Variants in SRPK2 observed in about 807,000 individuals in gnomAD.
SRPK2 encodes SFRS protein kinase 2.
In SRPK2, 21 loss-of-function variants were observed where a neutral mutation model predicts 90.8. That is an observed-to-expected ratio of 0.23 (90% CI 0.16 to 0.33). The LOEUF (loss-of-function observed/expected upper bound fraction) is 0.33. SRPK2 is among the 10% of genes least tolerant of loss of function. The pLI is 1.00. For missense variants in SRPK2, 620 were observed against 869.0 expected (o/e 0.71, Z 3.60); for synonymous variants, 288 against 311.1 (o/e 0.93, Z 0.78).
intron 2 of SRPK2, among the ~76,000 whole-genome samples, chr7:105,251,848 T>C (rs1005885443): frequency 6.6e-6 from 1 of 152,214 alleles, no homozygotes; most frequent in South Asian, 2.1e-4. Flanking sequence ...CTAGCTAGAC[T>C]GAATGGCAAC....
chr7:105,287,218 A>G (rs62484674), intron 2 of SRPK2, among the ~76,000 whole-genome samples: 24 of 132,564 alleles, frequency 1.8e-4, no homozygotes, highest in Admixed American at 1.4e-3. Context: ...CCGAGATCCC[A>G]CCACTGCACT....
At chr7:105,320,994 C>G (rs992930716) in intron 2 of SRPK2, among the ~76,000 whole-genome samples, 1 of 127,416 alleles carries the variant, frequency 7.8e-6, no homozygotes, top group Non-Finnish European at 1.9e-5. Flanking sequence ...CCACACTCAG[C>G]TAGTTTTTAA....
intron 2 of SRPK2, among the ~76,000 whole-genome samples, chr7:105,229,497 T>C (rs1463437381): frequency 6.6e-6 from 1 of 152,076 alleles, no homozygotes; most frequent in Non-Finnish European, 1.5e-5. Context: ...TGTGCTAACA[T>C]AAAAAATCCA....
chr7:105,168,744 A>AGTGTGTGTGTGTGTGTGTGTGTGTGTGT (rs1165915539), intron 4 of SRPK2, among the ~76,000 whole-genome samples: 1 of 25,452 alleles, frequency 3.9e-5, no homozygotes, highest in Non-Finnish European at 1.4e-4. Context: ...ACACGCACCA[A>AGTGTGTGTGTGTGTGTGTGTGTGTGTGT]ATGTGTGTGT....
chr7:105,393,652 T>TA, upstream of SRPK2, among the ~76,000 whole-genome samples: 3 of 152,096 alleles, frequency 2.0e-5, no homozygotes, highest in East Asian at 5.8e-4. Context: ...TTATTATTTT[T>TA]AAAAAGGCTT....
chr7:105,129,908 T>C (rs868602625), intron 13 of SRPK2, among the ~76,000 whole-genome samples: 1 of 152,154 alleles, frequency 6.6e-6, no homozygotes, highest in Non-Finnish European at 1.5e-5. Context: ...GTGAAGTTTG[T>C]TGGAATGGCT....
chr7:105,303,596 T>TA (rs1810824711), intron 2 of SRPK2, among the ~76,000 whole-genome samples: 1 of 151,960 alleles, frequency 6.6e-6, no homozygotes, highest in Non-Finnish European at 1.5e-5. Flanking sequence ...TTCATATTAC[T>TA]AAAAGAAAAT....
intron 2 of SRPK2, among the ~76,000 whole-genome samples, chr7:105,343,371 C>T (rs1249959404): frequency 6.6e-6 from 1 of 152,048 alleles, no homozygotes; most frequent in Non-Finnish European, 1.5e-5. Flanking sequence ...GAGGTTGAGG[C>T]TACAGTAAGC....
At chr7:105,135,294 C>A (rs1802628297) in intron 11 of SRPK2, among the ~76,000 whole-genome samples, 1 of 152,180 alleles carries the variant, frequency 6.6e-6, no homozygotes, top group South Asian at 2.1e-4. Flanking sequence ...CACCCCTTCC[C>A]CACCGAAGAC....
At chr7:105,143,641 G>T in intron 9 of SRPK2, 1 of 310,706 alleles carries the variant, frequency 3.2e-6, no homozygotes, top group Non-Finnish European at 6.0e-6. Flanking sequence ...GGCCTTAAAG[G>T]AGAAGCTCCT....
At chr7:105,317,373 G>A (rs909367200) in intron 2 of SRPK2, among the ~76,000 whole-genome samples, 3 of 152,134 alleles carry the variant, frequency 2.0e-5, no homozygotes, top group African/African-American at 7.2e-5. Context: ...AGTTGACAGC[G>A]TTTTCATATT....
intron 2 of SRPK2, among the ~76,000 whole-genome samples, chr7:105,230,706 TA>T (rs1308914138): frequency 6.6e-6 from 1 of 152,220 alleles, no homozygotes; most frequent in Non-Finnish European, 1.5e-5. Context: ...CGTCAACTGT[TA>T]AAATAGCTGG....
intron 3 of SRPK2, among the ~76,000 whole-genome samples, chr7:105,173,118 A>AT (rs60558265): frequency 0.038 from 5,692 of 149,420 alleles, 338 homozygotes; most frequent in African/African-American, 0.12. Flanking sequence ...CAAGAGGGGC[A>AT]TTTTTTTTTT....
intron 2 of SRPK2, among the ~76,000 whole-genome samples, chr7:105,350,077 A>G (rs1227920463): frequency 6.7e-6 from 1 of 150,014 alleles, no homozygotes; most frequent in East Asian, 1.9e-4. Flanking sequence ...TATGCTAAAT[A>G]TATCACCTGA....
chr7:105,379,971 C>T (rs569760033), intron 2 of SRPK2, among the ~76,000 whole-genome samples: 33 of 151,962 alleles, frequency 2.2e-4, no homozygotes, highest in Non-Finnish European at 4.3e-4. Flanking sequence ...AGCAAGACTC[C>T]GTCTCAAAAA....
intron 2 of SRPK2, among the ~76,000 whole-genome samples, chr7:105,226,482 G>T (rs866180111): frequency 6.6e-6 from 1 of 151,924 alleles, no homozygotes; most frequent in African/African-American, 2.4e-5. Flanking sequence ...GTAGAGTTGG[G>T]GTTTCACCAC....
At chr7:105,251,763 G>C (rs1165869945) in intron 2 of SRPK2, among the ~76,000 whole-genome samples, 1 of 152,164 alleles carries the variant, frequency 6.6e-6, no homozygotes, top group Non-Finnish European at 1.5e-5. Context: ...ATCACCATGT[G>C]GGGGTGTGTC....
intron 2 of SRPK2, among the ~76,000 whole-genome samples, chr7:105,358,171 A>T (rs1455512050): frequency 1.4e-5 from 2 of 144,932 alleles, no homozygotes; most frequent in Admixed American, 7.2e-5. Context: ...TTGCAGTGAG[A>T]CGAGATCACG....
At chr7:105,339,261 T>G (rs370559872) in intron 2 of SRPK2, among the ~76,000 whole-genome samples, 1 of 152,190 alleles carries the variant, frequency 6.6e-6, no homozygotes, top group African/African-American at 2.4e-5. Context: ...CTCAGGAATT[T>G]TGAATAGAGG....
Sources: gnomAD v4.1 joint callset for allele counts (sites outside exome capture counted in the v4.1 genomes callset) on GRCh38, gnomAD v4.1.1 for gene constraint, MANE v1.5 for transcripts, NCBI Gene and HGNC (gene_info 2026-07-23, HGNC 2026-07-21) for gene names.